The following CORO1A variants were observed in gnomAD, a reference collection of about 807,000 sequenced individuals.
CORO1A encodes the protein coronin 1A.
Under a neutral mutation model 44.1 loss-of-function variants are expected in CORO1A, and 17 were observed. That is an observed-to-expected ratio of 0.39 (90% confidence interval 0.26 to 0.58). The LOEUF (loss-of-function observed/expected upper bound fraction) is 0.58, where lower values mean the gene tolerates loss of function less well. Among genes scored for constraint, CORO1A ranks in the 20% least tolerant of loss-of-function variants. The probability of loss-of-function intolerance (pLI) is 0.62; values close to 1 mark genes in which losing one functional copy is unlikely to be tolerated. For synonymous variants in CORO1A, 271 were observed against 244.2 expected (o/e 1.11, Z -1.02); for missense variants, 415 against 606.5 (o/e 0.68, Z 3.32).
In CORO1A at chr16:30,188,579, G is replaced by A. The variant is rs1166222207; in HGVS notation, c.1281+3G>A. 2.0e-6 allele frequency: 3 copies of A among 1,475,062 alleles called. No individual in the cohort carries two copies. Among genetic ancestry groups the A allele is most frequent in the Admixed American group, 1.8e-5 (1 of 54,138 alleles). The allele number at this position is 1,475,062 out of a possible 1,614,324, so 91.4% of individuals were successfully genotyped here. On this transcript the variant is annotated splice_donor_region_variant and intron_variant, in intron 10 of 10. Coordinates refer to ENST00000219150, the MANE Select transcript of CORO1A (RefSeq NM_007074.4). ...AGGCCAGTGGCACTCCCAGCTCGGT[G>A]AGAGGGCTGGGAAGCCAGGGAATAA...
intron 6 of CORO1A, 94 bp downstream of exon 6, chr16:30,187,595 A>G (rs541262345): frequency 3.9e-6 from 6 of 1,530,548 alleles, no homozygotes; most frequent in East Asian, 2.3e-5. Context: ...CAGGATGGCC[A>G]TGGGCCTCAG....
intron 8 of CORO1A, 27 bp downstream of exon 8, chr16:30,188,114 G>A (rs1403429231): frequency 1.2e-6 from 2 of 1,613,756 alleles, no homozygotes; most frequent in East Asian, 4.5e-5. Flanking sequence ...CCTGACCGCA[G>A]CATGCTCCTT....
In CORO1A at chr16:30,188,371, TC is replaced by T. The variant is rs606231256; in HGVS notation, c.1078del (p.Gln360ArgfsTer45). On this transcript the variant is annotated frameshift_variant, in exon 10 of 11. Coordinates refer to ENST00000219150, the MANE Select transcript of CORO1A (RefSeq NM_007074.4). LOFTEE classifies it high-confidence loss of function. ...TGGCCTTGCCCACAGTCGGACCTGTTCCAGGAGGACCTGTACCCACCCACCG... is the reference window on the plus strand; with the variant it reads ...TGGCCTTGCCCACAGTCGGACCTGTTCAGGAGGACCTGTACCCACCCACCG... ...AMTVPRKSDL[F>X]QEDLYPPTAG... 1.9e-6 allele frequency: 3 copies of T among 1,613,866 alleles called. No individual in the cohort carries two copies. Among genetic ancestry groups the T allele is most frequent in the African/African-American group, 1.3e-5 (1 of 75,050 alleles).
In CORO1A at chr16:30,187,029, G is replaced by A. The variant is rs2073345247; in HGVS notation, c.452-10G>A. On this transcript the variant is annotated splice_polypyrimidine_tract_variant and intron_variant, in intron 4 of 10. Transcript: ENST00000219150. ...GGCTCATGGCTTCTGACACTGTGGG[G>A]AACGTGCAGGTTGTGACAACGTGAT... 1 of 1,613,938 alleles carries A rather than the reference G, an allele frequency of 6.2e-7. No homozygotes were observed. Among genetic ancestry groups the A allele is most frequent in the African/African-American group, 1.3e-5 (1 of 75,054 alleles).
chr16:30,184,853 T>C lies in CORO1A; in HGVS notation c.-1-356T>C, dbSNP rs1398094886. ...CCACCCTCGGAGCCATCTGGGCTGA[T>C]GACGCCTGAGTCTGAACCATTAGGA... On this transcript the variant is annotated intron_variant, in intron 1 of 10. Transcript: ENST00000219150. This position sits in a 1 kb window ranked among gnomAD's most constrained non-coding sequence, Gnocchi z 4.3. The C allele has an allele frequency of 5.0e-6, 2 of 396,424 alleles. No homozygotes were observed. The highest frequency in any genetic ancestry group is 2.1e-5 in the African/African-American group (1 of 48,454). The allele number at this position is 396,424 out of a possible 1,614,324, so 24.6% of individuals were successfully genotyped here. A position where few individuals can be genotyped will look rare whatever the true frequency, so the allele number is the denominator to read the frequency against.
In CORO1A at chr16:30,186,615, G is replaced by T; in HGVS notation, c.216G>T (p.Lys72Asn). 1 of 1,612,556 alleles carries T rather than the reference G, an allele frequency of 6.2e-7. No individual in the cohort carries two copies. Among genetic ancestry groups the T allele is most frequent in the South Asian group, 1.1e-5 (1 of 91,012 alleles). ...LPLGKTGRVDKNAPTVCGHTA... is the reference protein window; with the variant it reads ...LPLGKTGRVDNNAPTVCGHTA... ...GCCTTTAGACTGGACGTGTGGACAA[G>T]AATGCGCCCACGGTCTGTGGCCACA... The change falls in exon 3 of 11, where the codon AAG (lysine) becomes AAT (asparagine). Residue 72 changes from lysine to asparagine, a missense_variant. Coordinates refer to ENST00000219150, the MANE Select transcript of CORO1A (RefSeq NM_007074.4).
intron 5 of CORO1A, 78 bp downstream of exon 5, chr16:30,187,301 C>G: frequency 6.2e-7 from 1 of 1,604,834 alleles, no homozygotes. Flanking sequence ...CCCTTGGATG[C>G]TGCCCTCCCT....
In CORO1A at chr16:30,185,828, G is replaced by A. The variant is rs1270608558; in HGVS notation, c.198+421G>A. 19 of 254,610 alleles carry A rather than the reference G, an allele frequency of 7.5e-5. No individual in the cohort carries two copies. In the Admixed American group the frequency reaches 8.6e-4, roughly 11 times the overall value. The allele number at this position is 254,610 out of a possible 1,614,324, so 15.8% of individuals were successfully genotyped here. A position where few individuals can be genotyped will look rare whatever the true frequency, so the allele number is the denominator to read the frequency against. ...TGTCCCCCAGCTCGCAGGCAGGGAT[G>A]ATGCAAGAGGTGCTCTCCCCCACCC... is the stretch of plus-strand genomic sequence containing the variant. On this transcript the variant is annotated intron_variant, in intron 2 of 10. Coordinates refer to ENST00000219150, the MANE Select transcript of CORO1A (RefSeq NM_007074.4).
intron 2 of CORO1A, chr16:30,185,627 G>C (rs1460062874): frequency 1.2e-5 from 7 of 597,744 alleles, no homozygotes; most frequent in African/African-American, 1.9e-5. Context: ...GGTCACACCA[G>C]TGACCAGGAC....
chr16:30,185,697 C>T, intron 2 of CORO1A: 1 of 493,538 alleles, frequency 2.0e-6, no homozygotes, highest in East Asian at 3.6e-5. Context: ...GGGCTTTCTC[C>T]CCATGGAAAC....
chr16:30,185,413 C>A lies in CORO1A; in HGVS notation c.198+6C>A, dbSNP rs1445683226. Reference sequence around the variant, plus strand: ...TGGTGCTGCCCCTGGGCAAGGTGAGCCCCTGGGGCCCTGGGGGGAGCAGCT... The same window carrying A: ...TGGTGCTGCCCCTGGGCAAGGTGAGACCCTGGGGCCCTGGGGGGAGCAGCT... On this transcript the variant is annotated splice_donor_region_variant and intron_variant, in intron 2 of 10. Transcript: ENST00000219150. The A allele has an allele frequency of 6.2e-7, 1 of 1,611,826 alleles. No individual in the cohort carries two copies. The highest frequency in any genetic ancestry group is 8.5e-7 in the Non-Finnish European group (1 of 1,179,528).
chr16:30,186,986 C>T, intron 4 of CORO1A, 41 bp downstream of exon 4: 1 of 1,613,100 alleles, frequency 6.2e-7, no homozygotes. Context: ...TCGTGGCCTG[C>T]AGTGGATGAG....
At chr16:30,185,092 G>C in intron 1 of CORO1A, 117 bp from the exon 2 acceptor site, 1 of 963,992 alleles carries the variant, frequency 1.0e-6, no homozygotes, top group Non-Finnish European at 1.6e-6. Flanking sequence ...GGGAGCCCCT[G>C]GAGATGATGC....
In CORO1A at chr16:30,188,419, C is replaced by A; in HGVS notation, c.1124C>A (p.Thr375Lys). The stretch of plus-strand genomic sequence containing the variant: ...ACCGCAGGGCCCGACCCTGCCCTCA[C>A]GGCTGAGGAGTGGCTGGGGGGTCGG... ...PPTAGPDPAL[T>K]AEEWLGGRDA... Residue 375 changes from threonine to lysine, a missense_variant, in exon 10 of 11, where the codon ACG (threonine) becomes AAG (lysine). By Grantham distance (78) the Thr-to-Lys change is moderately conservative. Transcript: ENST00000219150. 1 of 1,613,768 alleles carries A rather than the reference C, an allele frequency of 6.2e-7. No individual in the cohort carries two copies. Among genetic ancestry groups the A allele is most frequent in the South Asian group, 1.1e-5 (1 of 91,088 alleles).
In CORO1A at chr16:30,187,400, G is replaced by A. The variant is rs570312944; in HGVS notation, c.655G>A (p.Glu219Lys). The stretch of plus-strand genomic sequence containing the variant: ...CTTGCAGGAGAAGGACCGTCCCCAC[G>A]AGGGGACCCGGCCCGTGCGTGCAGT... ...TVVAEKDRPH[E>K]GTRPVRAVFV... The change falls in exon 6 of 11, where the codon GAG becomes AAG. Residue 219 changes from glutamate (E) to lysine (K), a missense_variant. Coordinates refer to ENST00000219150, the MANE Select transcript of CORO1A (RefSeq NM_007074.4). 37 of 1,610,958 alleles carry A rather than the reference G, an allele frequency of 2.3e-5. No individual in the cohort carries two copies. Among genetic ancestry groups the A allele is most frequent in the Non-Finnish European group, 2.9e-5 (34 of 1,180,010 alleles).
Position 30,184,470 on chromosome 16 carries a change from C to T in CORO1A, c.-1-739C>T, listed in dbSNP as rs72791248. The T allele has an allele frequency of 0.11, 16,342 of 153,472 alleles. 1,262 individuals carry two copies. Among genetic ancestry groups the T allele is most frequent in the Non-Finnish European group, 0.15 (10,588 of 68,820 alleles). The allele number at this position is 153,472 out of a possible 1,614,324, so 9.5% of individuals were successfully genotyped here. On this transcript the variant is annotated intron_variant, in intron 1 of 10. Coordinates refer to ENST00000219150, the MANE Select transcript of CORO1A (RefSeq NM_007074.4). The surrounding 1 kb of genome is among the most constrained non-coding windows in gnomAD (Gnocchi z 4.3). ...ACAAGGTCGCCCCTGGAGTTCCTTGCTCCCCACCCAGACACTGGGGGAAAC... is the reference window on the plus strand; with the variant it reads ...ACAAGGTCGCCCCTGGAGTTCCTTGTTCCCCACCCAGACACTGGGGGAAAC...
Position 30,184,070 on chromosome 16 carries a change from G to C in CORO1A, c.-2+345G>C, listed in dbSNP as rs943294938. 1 of 152,252 alleles carries C rather than the reference G, an allele frequency of 6.6e-6. No homozygotes were observed. The highest frequency in any genetic ancestry group is 6.6e-5 in the Admixed American group (1 of 15,260). The allele number at this position is 152,252 out of a possible 1,614,324, so 9.4% of individuals were successfully genotyped here. On this transcript the variant is annotated intron_variant, in intron 1 of 10. Transcript: ENST00000219150. This position sits in a 1 kb window ranked among gnomAD's most constrained non-coding sequence, Gnocchi z 4.3. ...GTGGGGTGAGCGGGGCAGCTGCCCT[G>C]GGCTTGGAGACAGGAAGGGGTTGAG...
chr16:30,186,095 A>G (rs2073330306), intron 2 of CORO1A: 1 of 215,056 alleles, frequency 4.6e-6, no homozygotes, highest in Non-Finnish European at 9.6e-6. Flanking sequence ...TGTCCCCGGA[A>G]GAAGCCATTT....
At chr16:30,187,652 C>G in intron 6 of CORO1A, 73 bp from the exon 7 acceptor site, 1 of 1,466,276 alleles carries the variant, frequency 6.8e-7, no homozygotes, top group Non-Finnish European at 9.5e-7. Flanking sequence ...GTCGGGAGGG[C>G]CCTCACAGGT....
Sources: allele counts gnomAD v4.1 joint callset, GRCh38; gene constraint gnomAD v4.1.1; non-coding constraint Gnocchi (gnomAD v3.1); transcripts MANE v1.5; gene names NCBI Gene and HGNC (gene_info 2026-07-23, HGNC 2026-07-21).